The following ANHX variants were observed in gnomAD, a reference collection of about 807,000 sequenced individuals.
The protein encoded by ANHX is anomalous homeobox, also known as anomalous homeobox protein.
In ANHX, 20 loss-of-function variants were observed where a neutral mutation model predicts 38.9. The ratio of observed to expected loss-of-function variants is 0.51; its 90% CI spans 0.36 to 0.75. ANHX has a LOEUF of 0.75. Among genes scored for constraint, ANHX ranks in the 30% least tolerant of loss-of-function variants. The pLI, the probability that ANHX is intolerant of heterozygous loss-of-function variation, is 0.00. For synonymous variants in ANHX, 185 were observed against 203.1 expected, an observed-to-expected ratio of 0.91 and a Z score of 0.76; for missense variants, 475 against 493.1, an observed-to-expected ratio of 0.96 and a Z score of 0.35.
intron 3 of ANHX, among the ~76,000 whole-genome samples, chr12:133,229,467 C>T (rs1018822088): frequency 6.6e-6 from 1 of 152,140 alleles, no homozygotes; most frequent in Non-Finnish European, 1.5e-5. Context: ...CCTCATGCTC[C>T]TGGTGGTTCC....
At position 133,219,220 on chromosome 12, in the gene ANHX, C is replaced by G. The variant is rs562584094; in HGVS notation, c.1365+63G>C. 8.5e-6 allele frequency: 12 copies of G among 1,417,084 alleles called. No individual in the cohort carries two copies. The African/African-American group carries it at 1.7e-4, about 20-fold the overall frequency. The allele number at this position is 1,417,084 out of a possible 1,614,324, so 87.8% of individuals were successfully genotyped here. On this transcript the variant is annotated intron_variant, in intron 9 of 9. Coordinates refer to ENST00000545940, the MANE Select transcript of ANHX (RefSeq NM_001372060.1). Reference sequence around the variant, plus strand: ...GTGGCACTAGCTGAACCCTCCTCAGCACCATGAGCTGCAGATCCAGGAGTA... The same window carrying G: ...GTGGCACTAGCTGAACCCTCCTCAGGACCATGAGCTGCAGATCCAGGAGTA...
At position 133,235,402 on chromosome 12, in the gene ANHX, C is replaced by G. The variant is rs560966871; in HGVS notation, c.-23+405G>C. 2.0e-5 allele frequency: 3 copies of G among 152,550 alleles called. No homozygotes were observed. In the East Asian group the frequency reaches 5.8e-4, roughly 30 times the overall value. 9.4% of individuals were successfully genotyped at this position (152,550 alleles called of 1,614,324 possible). A position where few individuals can be genotyped will look rare whatever the true frequency, so the allele number is the denominator to read the frequency against. On this transcript the variant is annotated intron_variant, in intron 1 of 9. Transcript: ENST00000545940. ...TGCCCTGAGGGGCACCCGGCTCCAG[C>G]TGAATGGAGGGGAAGGGTCGCGGGA...
rs1470993809 is a variant in ANHX, at chr12:133,224,977, AC to A, written c.1132+558del. Among the ~76,000 whole-genome samples the A allele has an allele frequency of 7.4e-3, 888 of 119,500 alleles. 28 individuals carry two copies. Among genetic ancestry groups the A allele is most frequent in the African/African-American group, 0.038 (776 of 20,294 alleles). 78.4% of individuals were successfully genotyped at this position (119,500 alleles called of 152,430 possible). ...GACTCCGTCTCAAAAAAAAAAAAAA[AC>A]AAAAACAAAAAAGAAAGAAAGAAAT... On this transcript the variant is annotated intron_variant, in intron 7 of 9. Coordinates refer to ENST00000545940, the MANE Select transcript of ANHX (RefSeq NM_001372060.1).
Position 133,219,514 on chromosome 12 carries a change from C to T in ANHX, c.1281-147G>A, listed in dbSNP as rs530558885. ...AGACTCTCTTCCTGCAGGGCTGTCA[C>T]GTATGTAGGGTGTTAGGAGGGGAAC... On this transcript the variant is annotated intron_variant, in intron 8 of 9. Transcript: ENST00000545940. 43 of 623,562 alleles carry T rather than the reference C, an allele frequency of 6.9e-5. 1 individual carries two copies. The highest frequency in any genetic ancestry group is 2.8e-4 in the South Asian group (14 of 49,670). 38.6% of individuals were successfully genotyped at this position (623,562 alleles called of 1,614,324 possible). A position where few individuals can be genotyped will look rare whatever the true frequency, so the allele number is the denominator to read the frequency against.
intron 3 of ANHX, among the ~76,000 whole-genome samples, chr12:133,230,676 T>C (rs1181888995): frequency 3.3e-5 from 5 of 152,066 alleles, no homozygotes; most frequent in Non-Finnish European, 7.4e-5. Flanking sequence ...GGTGGGAGGA[T>C]CGCTTGAGCC....
intron 1 of ANHX, chr12:133,234,600 C>T (rs1029632193): frequency 4.5e-5 from 23 of 510,032 alleles, no homozygotes; most frequent in African/African-American, 4.4e-4. Context: ...CCTTAACGAA[C>T]ACGGCTGTGC....
chr12:133,223,996 C>A (rs142443642), intron 7 of ANHX, among the ~76,000 whole-genome samples: 22,037 of 152,114 alleles, frequency 0.14, 3,674 homozygotes, highest in African/African-American at 0.41. Context: ...AATGAGGACT[C>A]GGATAATTTA....
chr12:133,234,685 T>A, intron 1 of ANHX: 1 of 313,154 alleles, frequency 3.2e-6, no homozygotes, highest in Non-Finnish European at 6.0e-6. Flanking sequence ...GGACCTTGTG[T>A]GCAGGGGTCA....
Position 133,221,918 on chromosome 12 carries a change from G to T in ANHX, c.1133-566C>A, listed in dbSNP as rs569863651. 6.6e-6 allele frequency among the ~76,000 whole-genome samples: 1 copy of T among 152,176 alleles called. No homozygotes were observed. The highest frequency in any genetic ancestry group is 2.4e-5 in the African/African-American group (1 of 41,418). On this transcript the variant is annotated intron_variant, in intron 7 of 9. Coordinates refer to ENST00000545940, the MANE Select transcript of ANHX (RefSeq NM_001372060.1). The surrounding 1 kb of genome is among the most constrained non-coding windows in gnomAD (Gnocchi z 4.1). ...TGGGTGGACATTTAGGAGAGCTGTG[G>T]CCTGAAAAGGCAGGTTTTTTCCTGC...
intron 8 of ANHX, among the ~76,000 whole-genome samples, chr12:133,220,451 ACAGT>A (rs1395988489): frequency 6.6e-6 from 1 of 152,184 alleles, no homozygotes; most frequent in African/African-American, 2.4e-5. Flanking sequence ...ACATTTTCTC[ACAGT>A]CAGGCTGTTT....
At chr12:133,219,177 C>A in intron 9 of ANHX, 106 bp downstream of exon 9, 1 of 1,123,718 alleles carries the variant, frequency 8.9e-7, no homozygotes, top group South Asian at 1.4e-5. Context: ...TTTATCTTTG[C>A]CTGGTGTATT....
intron 2 of ANHX, among the ~76,000 whole-genome samples, 177 bp from the exon 3 acceptor site, chr12:133,231,821 A>T (rs552452049): frequency 3.0e-4 from 45 of 152,190 alleles, no homozygotes; most frequent in Admixed American, 5.2e-4. Flanking sequence ...CAATGCAGGC[A>T]TGAGTCAGAT....
At chr12:133,230,862 C>T (rs898627742) in intron 3 of ANHX, among the ~76,000 whole-genome samples, 15 of 152,082 alleles carry the variant, frequency 9.9e-5, no homozygotes, top group Middle Eastern at 3.2e-3. Flanking sequence ...TCTGTGCCTC[C>T]GTTTCCTCAT....
chr12:133,233,521 G>A (rs949427254), intron 2 of ANHX, among the ~76,000 whole-genome samples: 23 of 152,270 alleles, frequency 1.5e-4, no homozygotes, highest in African/African-American at 4.3e-4. Context: ...TCCAGCACAC[G>A]ACATGCACCA....
chr12:133,234,485 G>A (rs1480777442), intron 1 of ANHX, 107 bp from the exon 2 acceptor site: 21 of 1,281,312 alleles, frequency 1.6e-5, no homozygotes, highest in Middle Eastern at 1.9e-4. Context: ...CTCTTGTGCC[G>A]TGGACACTTG....
intron 9 of ANHX, 37 bp downstream of exon 9, chr12:133,219,244 TAA>T (rs1957075819): frequency 6.7e-7 from 1 of 1,496,506 alleles, no homozygotes; most frequent in Admixed American, 2.0e-5. Flanking sequence ...GATCCAGGAG[TAA>T]AGAGGGAATC....
Position 133,221,697 on chromosome 12 carries a change from TCA to T in ANHX, c.1133-347_1133-346del, listed in dbSNP as rs1431497358. 6.6e-6 allele frequency among the ~76,000 whole-genome samples: 1 copy of T among 152,174 alleles called. No individual in the cohort carries two copies. The highest frequency in any genetic ancestry group is 6.5e-5 in the Admixed American group (1 of 15,278). On this transcript the variant is annotated intron_variant, in intron 7 of 9. Transcript: ENST00000545940. The surrounding 1 kb of genome is among the most constrained non-coding windows in gnomAD (Gnocchi z 4.1). ...GTGCGGAAGGATGTGCCAGGAGCCC[TCA>T]GTCTCCTCTTGTGGCTGGTTCACGG... is the stretch of plus-strand genomic sequence containing the variant.
Position 133,227,004 on chromosome 12 carries a change from G to C in ANHX, c.650C>G (p.Pro217Arg). The change falls in exon 5 of 10, where the codon CCT (proline) becomes CGT (arginine). Residue 217 changes from proline to arginine, a missense_variant. Coordinates refer to ENST00000545940, the MANE Select transcript of ANHX (RefSeq NM_001372060.1). ...GTTGCCTGAGGGCTGCAGGAGGTCA[G>C]GACCCCTCTCCCTCGCACCAGGGTC... The part of the protein sequence containing the change: ...AEDPGARERG[P>R]DLLQPSGNPR... The C allele has an allele frequency of 7.8e-6, 12 of 1,535,556 alleles. No individual in the cohort carries two copies. The highest frequency in any genetic ancestry group is 1.0e-5 in the Non-Finnish European group (12 of 1,146,544).
At chr12:133,229,522 C>T (rs976843625) in intron 3 of ANHX, among the ~76,000 whole-genome samples, 4 of 152,132 alleles carry the variant, frequency 2.6e-5, no homozygotes, top group African/African-American at 9.7e-5. Context: ...CCTCTCTTTA[C>T]CTCCTGCCAT....
Sources: allele counts gnomAD v4.1 joint callset (sites outside exome capture counted in the v4.1 genomes callset), GRCh38; gene constraint gnomAD v4.1.1; non-coding constraint Gnocchi (gnomAD v3.1); transcripts MANE v1.5; gene names NCBI Gene and HGNC (gene_info 2026-07-23, HGNC 2026-07-21).